PCDHGA2: variants seen among roughly 807,000 people sequenced by gnomAD.
The protein encoded by PCDHGA2 is protocadherin gamma subfamily A, 2.
PCDHGA2 carries 40 observed loss-of-function variants against 59.2 expected under a neutral mutation model. The observed-to-expected ratio is 0.68, with a 90% CI of 0.52 to 0.88. The LOEUF is 0.88. PCDHGA2 is among the 40% of genes least tolerant of loss of function. PCDHGA2 has a pLI of 0.00. For missense variants in PCDHGA2, 1,226 were observed against 1,204.0 expected, an observed-to-expected ratio of 1.02 and a Z score of -0.27; for synonymous variants, 560 against 526.0, an observed-to-expected ratio of 1.06 and a Z score of -0.89.
chr5:141,341,572 G>A lies in PCDHGA2; in HGVS notation c.2424+177G>A, dbSNP rs1359460491. The A allele has an allele frequency of 3.2e-6, 4 of 1,251,972 alleles. 1 individual carries two copies. The highest frequency in any genetic ancestry group is 5.5e-4 in the Middle Eastern group (2 of 3,620). 77.6% of individuals were successfully genotyped at this position (1,251,972 alleles called of 1,614,324 possible). A position where few individuals can be genotyped will look rare whatever the true frequency, so the allele number is the denominator to read the frequency against. On this transcript the variant is annotated intron_variant, in intron 1 of 3. Coordinates refer to ENST00000394576, the MANE Select transcript of PCDHGA2 (RefSeq NM_018915.4). ...TAGTGTTCACAGGCTGTAAGAGGAA[G>A]AAGAGACGTGAGAATCTTTGTGCAA...
In PCDHGA2 at chr5:141,431,538, A is replaced by G; in HGVS notation, c.2425-63269A>G. ...CCGGAGAATCTGGCCTTGGGCACGC[A>G]GCTGCTTGTAGTCAACGCTACCGAC... is the stretch of plus-strand genomic sequence containing the variant. On this transcript the variant is annotated intron_variant, in intron 1 of 3. Transcript: ENST00000394576. The surrounding 1 kb of genome is among the most constrained non-coding windows in gnomAD (Gnocchi z 4.8). The G allele has an allele frequency of 6.2e-7, 1 of 1,614,114 alleles. No individual in the cohort carries two copies. Among genetic ancestry groups the G allele is most frequent in the Non-Finnish European group, 8.5e-7 (1 of 1,180,024 alleles).
At chr5:141,449,667 G>A (rs540415333) in intron 1 of PCDHGA2, among the ~76,000 whole-genome samples, 1 of 150,824 alleles carries the variant, frequency 6.6e-6, no homozygotes, top group South Asian at 2.1e-4. Context: ...ACACCCAAGT[G>A]TGTATGTATA....
chr5:141,495,721 G>A (rs2099763243), intron 2 of PCDHGA2, among the ~76,000 whole-genome samples: 1 of 152,100 alleles, frequency 6.6e-6, no homozygotes, highest in Non-Finnish European at 1.5e-5. Context: ...TAACTACACG[G>A]GACCCTTAGT....
chr5:141,359,835 C>T (rs985567227), intron 1 of PCDHGA2, among the ~76,000 whole-genome samples: 1 of 151,996 alleles, frequency 6.6e-6, no homozygotes, highest in Non-Finnish European at 1.5e-5. Flanking sequence ...TATTTTAAAA[C>T]AAATGAAGAC....
At chr5:141,350,650 C>A (rs374865865) in intron 1 of PCDHGA2, 12 of 1,613,902 alleles carry the variant, frequency 7.4e-6, no homozygotes, top group African/African-American at 4.0e-5. Flanking sequence ...CACCACGTTT[C>A]GTTGCAAAAG....
chr5:141,408,256 T>C, intron 1 of PCDHGA2: 1 of 1,602,226 alleles, frequency 6.2e-7, no homozygotes, highest in East Asian at 2.3e-5. Flanking sequence ...AGGTGCTATT[T>C]CCTTTGCTGC....
At chr5:141,361,456 C>T (rs529112132) in intron 1 of PCDHGA2, 1 of 1,614,034 alleles carries the variant, frequency 6.2e-7, no homozygotes, top group South Asian at 1.1e-5. Context: ...TGTCACCCTG[C>T]ACATCTCCGA....
intron 1 of PCDHGA2, chr5:141,357,401 G>T (rs1456227012): frequency 1.2e-6 from 2 of 1,614,250 alleles, no homozygotes; most frequent in Non-Finnish European, 1.7e-6. Context: ...AGGTTGGCAG[G>T]TGTGCCTGCC....
intron 1 of PCDHGA2, chr5:141,400,181 A>T: frequency 6.2e-7 from 1 of 1,614,034 alleles, no homozygotes; most frequent in Non-Finnish European, 8.5e-7. Flanking sequence ...GCTGAGCTGC[A>T]GTTTTACCTA....
At chr5:141,499,438 G>A (rs2154592492) in intron 2 of PCDHGA2, among the ~76,000 whole-genome samples, 1 of 152,158 alleles carries the variant, frequency 6.6e-6, no homozygotes, top group Admixed American at 6.5e-5. Context: ...AAAATTAAAA[G>A]GAAAACCACC....
In PCDHGA2 at chr5:141,339,937, G is replaced by C. The variant is rs139200458; in HGVS notation, c.966G>C (p.Gln322His). 1.2e-6 allele frequency: 2 copies of C among 1,614,166 alleles called. No homozygotes were observed. The highest frequency in any genetic ancestry group is 1.7e-6 in the Non-Finnish European group (2 of 1,180,014). ...TCCATGAAATTGATATTGAAGCTCA[G>C]GATGGTCCGGGCCTTCTAACCAGAG... ...ATFHEIDIEA[Q>H]DGPGLLTRAK... Residue 322 changes from glutamine to histidine, a missense_variant, in exon 1 of 4, where the codon CAG (glutamine) becomes CAC (histidine). Gln to His is a conservative substitution (Grantham distance 24, BLOSUM62 0). Transcript: ENST00000394576.
rs370032689 is a variant in PCDHGA2 at position 141,415,343 on chromosome 5, G to A, written c.2424+73948G>A. 84 of 1,614,112 alleles carry A rather than the reference G, an allele frequency of 5.2e-5. No homozygotes were observed. The African/African-American group carries it at 1.0e-3, about 20-fold the overall frequency. On this transcript the variant is annotated intron_variant, in intron 1 of 3. Transcript: ENST00000394576. The stretch of plus-strand genomic sequence containing the variant: ...CTGCTGGCGCACAGGCTGCGGCGCT[G>A]GCACAAGTCACGCCTGCTGCAGGCT...
chr5:141,495,107 A>G (rs559621284), intron 2 of PCDHGA2, among the ~76,000 whole-genome samples: 1 of 152,166 alleles, frequency 6.6e-6, no homozygotes, highest in East Asian at 1.9e-4. Flanking sequence ...CACGACCGGC[A>G]CCTTTTCCTA....
At position 141,477,056 on chromosome 5, in the gene PCDHGA2, G is replaced by T; in HGVS notation, c.2425-17751G>T. 6.2e-7 allele frequency: 1 copy of T among 1,614,242 alleles called. No homozygotes were observed. The highest frequency in any genetic ancestry group is 8.5e-7 in the Non-Finnish European group (1 of 1,180,046). Reference sequence around the variant, plus strand: ...AATCAAGGGTCGGCTGGACTTCGAGGACACCAAACTCCATGAGATTTACAT... The same window carrying T: ...AATCAAGGGTCGGCTGGACTTCGAGTACACCAAACTCCATGAGATTTACAT... On this transcript the variant is annotated intron_variant, in intron 1 of 3. Coordinates refer to ENST00000394576, the MANE Select transcript of PCDHGA2 (RefSeq NM_018915.4). This position sits in a 1 kb window ranked among gnomAD's most constrained non-coding sequence, Gnocchi z 4.9.
At chr5:141,430,827 T>A in intron 1 of PCDHGA2, 1 of 1,551,000 alleles carries the variant, frequency 6.4e-7, no homozygotes, top group South Asian at 1.3e-5. Flanking sequence ...CTGGGGACTC[T>A]GTGGGAGACC....
chr5:141,486,090 G>T lies in PCDHGA2; in HGVS notation c.2425-8717G>T, dbSNP rs190955361. 2.5e-6 allele frequency: 4 copies of T among 1,614,086 alleles called. No individual in the cohort carries two copies. In the East Asian group the frequency reaches 8.9e-5, roughly 36 times the overall value. On this transcript the variant is annotated intron_variant, in intron 1 of 3. Transcript: ENST00000394576. This position sits in a 1 kb window ranked among gnomAD's most constrained non-coding sequence, Gnocchi z 5.0. Reference sequence around the variant, plus strand: ...ACTACTGGAAAGCTTACTCTTTTGGGGCCCCTAGACTTTGAGAGTGAGAAT... The same window carrying T: ...ACTACTGGAAAGCTTACTCTTTTGGTGCCCCTAGACTTTGAGAGTGAGAAT...
At chr5:141,416,501 T>C (rs1164504285) in intron 1 of PCDHGA2, 6 of 152,148 alleles carry the variant, frequency 3.9e-5, no homozygotes, top group Non-Finnish European at 7.4e-5. Context: ...AAGAGATATA[T>C]GACAAAGCTA....
intron 1 of PCDHGA2, chr5:141,415,947 C>G: frequency 1.9e-6 from 1 of 532,382 alleles, no homozygotes; most frequent in Non-Finnish European, 2.8e-6. Flanking sequence ...CCTGGGTGGT[C>G]ACATATTGAA....
intron 1 of PCDHGA2, among the ~76,000 whole-genome samples, chr5:141,387,456 T>C (rs1444030980): frequency 6.6e-6 from 1 of 152,246 alleles, no homozygotes; most frequent in Non-Finnish European, 1.5e-5. Context: ...ATGATTTGCC[T>C]AAAAATCCTC....
Sources: gnomAD v4.1 joint callset for allele counts (sites outside exome capture counted in the v4.1 genomes callset) on GRCh38, gnomAD v4.1.1 for gene constraint, Gnocchi (gnomAD v3.1) non-coding constraint, MANE v1.5 for transcripts, NCBI Gene and HGNC (gene_info 2026-07-23, HGNC 2026-07-21) for gene names.